Variants in RBFOX1 observed in about 807,000 individuals in gnomAD.
RBFOX1 encodes the protein RNA binding protein fox-1 homolog 1.
RBFOX1 carries 8 observed loss-of-function variants against 57.7 expected under a neutral mutation model. The ratio of observed to expected loss-of-function variants is 0.14; its 90% CI spans 0.08 to 0.25. The LOEUF (loss-of-function observed/expected upper bound fraction) is 0.25. Among genes scored for constraint, RBFOX1 ranks in the 10% least tolerant of loss-of-function variants. The pLI, the probability that RBFOX1 is intolerant of heterozygous loss-of-function variation, is 1.00. For missense variants in RBFOX1, 611 were observed against 548.5 expected (o/e 1.11, Z -1.14); for synonymous variants, 326 against 222.4 (o/e 1.47, Z -4.15).
chr16:5,789,041 A>T (rs1045895786), intron 3 of RBFOX1, among the ~76,000 whole-genome samples: 1 of 152,086 alleles, frequency 6.6e-6, no homozygotes, highest in African/African-American at 2.4e-5. Context: ...AACTAGTGAA[A>T]AGTTTGAATG....
At chr16:7,417,399 C>T (rs1028990874) in intron 4 of RBFOX1, among the ~76,000 whole-genome samples, 1 of 144,940 alleles carries the variant, frequency 6.9e-6, no homozygotes, top group East Asian at 2.1e-4. Context: ...AAGAGATGAC[C>T]CCATATCCTG....
At chr16:7,413,352 A>G (rs56708561) in intron 4 of RBFOX1, among the ~76,000 whole-genome samples, 2,140 of 151,824 alleles carry the variant, frequency 0.014, 54 homozygotes, top group African/African-American at 0.048. Flanking sequence ...CTCTGTAGCA[A>G]TGGGTCCCAC....
intron 2 of RBFOX1, among the ~76,000 whole-genome samples, chr16:5,567,010 C>T (rs1280181898): frequency 1.3e-5 from 2 of 152,190 alleles, no homozygotes; most frequent in Admixed American, 6.5e-5. Flanking sequence ...TTTCTGTTCT[C>T]ACTTTAACCA....
In RBFOX1 at chr16:5,545,669, C is replaced by A. The variant is rs536212969; in HGVS notation, c.259-53233C>A. 6.4e-3 allele frequency among the ~76,000 whole-genome samples: 978 copies of A among 151,714 alleles called. 8 individuals carry two copies. Among genetic ancestry groups the A allele is most frequent in the Non-Finnish European group, 0.011 (771 of 67,834 alleles). ...ACATCTATTCTCAATTAAAAAAAAA[C>A]CCCTCATCAAGTAGGAATGTAAGGA... is the stretch of plus-strand genomic sequence containing the variant. On this transcript the variant is annotated intron_variant, in intron 2 of 2. Transcript: ENST00000585867.
At chr16:7,552,394 G>A (rs936913936) in intron 5 of RBFOX1, among the ~76,000 whole-genome samples, 1 of 152,162 alleles carries the variant, frequency 6.6e-6, no homozygotes, top group Non-Finnish European at 1.5e-5. Context: ...AGCACTGGAA[G>A]GTGAAAAGAC....
chr16:6,558,190 C>T (rs762094133), intron 2 of RBFOX1, among the ~76,000 whole-genome samples: 49 of 152,094 alleles, frequency 3.2e-4, no homozygotes, highest in African/African-American at 6.0e-4. Context: ...TGGAGCGTAA[C>T]GTGCAGGTGT....
At chr16:5,305,320 A>G (rs755364648) in intron 1 of RBFOX1, among the ~76,000 whole-genome samples, 19 of 152,150 alleles carry the variant, frequency 1.2e-4, no homozygotes, top group Non-Finnish European at 2.5e-4. Context: ...GTGATCAGCA[A>G]CATTTTGGTA....
intron 3 of RBFOX1, among the ~76,000 whole-genome samples, chr16:6,832,212 G>C (rs1057163364): frequency 6.6e-5 from 10 of 152,302 alleles, no homozygotes; most frequent in African/African-American, 2.4e-4. Flanking sequence ...GAGCCCAAGT[G>C]AATAAATAAG....
intron 1 of RBFOX1, among the ~76,000 whole-genome samples, chr16:5,259,005 T>C (rs1197244874): frequency 6.6e-6 from 1 of 151,904 alleles, no homozygotes; most frequent in Non-Finnish European, 1.5e-5. Flanking sequence ...AGCCCCCTCC[T>C]GTGGGGAGGA....
chr16:6,884,594 T>TA (rs1412733103), intron 3 of RBFOX1, among the ~76,000 whole-genome samples: 2 of 151,990 alleles, frequency 1.3e-5, no homozygotes, highest in African/African-American at 2.4e-5. Context: ...TTGAAGAGAT[T>TA]AAAAAACAAA....
At position 6,252,585 on chromosome 16, in the gene RBFOX1, T is replaced by C. The variant is rs1303663091; in HGVS notation, c.-126-64410T>C. ...ACAGGATATGATAGGATGCTGTTGA[T>C]CTGCTTTCGTTTCCATGCCAAGGTG... On this transcript the variant is annotated intron_variant, in intron 1 of 15. Transcript: ENST00000550418. Among the ~76,000 whole-genome samples, 3 of 150,794 alleles carry C rather than the reference T, an allele frequency of 2.0e-5. No individual in the cohort carries two copies. The Admixed American group carries it at 2.0e-4, about 10-fold the overall frequency.
At chr16:7,301,429 G>A (rs1198319976) in intron 4 of RBFOX1, among the ~76,000 whole-genome samples, 1 of 152,190 alleles carries the variant, frequency 6.6e-6, no homozygotes, top group African/African-American at 2.4e-5. Context: ...CAGATCTTCA[G>A]TGTGTCTGAC....
chr16:6,417,160 C>T (rs373363007), intron 2 of RBFOX1, among the ~76,000 whole-genome samples: 169 of 151,938 alleles, frequency 1.1e-3, no homozygotes, highest in African/African-American at 2.4e-3. Context: ...TACAGGTGTG[C>T]GCCACCATGC....
chr16:7,282,031 A>G (rs1568020006), intron 4 of RBFOX1, among the ~76,000 whole-genome samples: 1 of 150,814 alleles, frequency 6.6e-6, no homozygotes, highest in Non-Finnish European at 1.5e-5. Context: ...ACGCCTGGCA[A>G]TTTTTTTTTG....
chr16:6,543,798 A>G (rs1428699304), intron 2 of RBFOX1, among the ~76,000 whole-genome samples: 1 of 152,130 alleles, frequency 6.6e-6, no homozygotes, highest in East Asian at 1.9e-4. Flanking sequence ...AAGTGTCACT[A>G]CAGAGTCTAC....
At chr16:6,820,841 G>A (rs994927812) in intron 3 of RBFOX1, among the ~76,000 whole-genome samples, 1 of 152,166 alleles carries the variant, frequency 6.6e-6, no homozygotes, top group Non-Finnish European at 1.5e-5. Context: ...AAGAAGCCAT[G>A]TAGAAGTTAA....
chr16:6,344,491 G>A lies in RBFOX1; in HGVS notation c.-64+27434G>A, dbSNP rs549026628. ...CAGCGCACTGCATGCTCTGCCTCCCGGGTTCACGCCATTCTCCTGCCTCAG... is the reference window on the plus strand; with the variant it reads ...CAGCGCACTGCATGCTCTGCCTCCCAGGTTCACGCCATTCTCCTGCCTCAG... On this transcript the variant is annotated intron_variant, in intron 2 of 15. Transcript: ENST00000550418. Among the ~76,000 whole-genome samples the A allele has an allele frequency of 7.2e-5, 10 of 139,386 alleles. 1 individual carries two copies. The highest frequency in any genetic ancestry group is 6.3e-4 in the Admixed American group (8 of 12,798). The allele number at this position is 139,386 out of a possible 152,430, so 91.4% of individuals were successfully genotyped here.
intron 14 of RBFOX1, among the ~76,000 whole-genome samples, chr16:7,706,039 T>A (rs1218285031): frequency 6.6e-6 from 1 of 152,174 alleles, no homozygotes; most frequent in African/African-American, 2.4e-5. Context: ...TGGGTATTGC[T>A]GTGCTCTGTC....
At chr16:6,877,918 A>G (rs940322839) in intron 3 of RBFOX1, among the ~76,000 whole-genome samples, 9 of 152,178 alleles carry the variant, frequency 5.9e-5, no homozygotes, top group African/African-American at 2.2e-4. Context: ...TGCGAATGGT[A>G]GTTGCAAAAC....
Sources: allele counts gnomAD v4.1 joint callset (sites outside exome capture counted in the v4.1 genomes callset), GRCh38; gene constraint gnomAD v4.1.1; transcripts MANE v1.5; gene names NCBI Gene and HGNC (gene_info 2026-07-23, HGNC 2026-07-21).